LSAMP: variants seen among roughly 807,000 people sequenced by gnomAD.
LSAMP encodes limbic system-associated membrane protein.
Under a neutral mutation model 38.6 loss-of-function variants are expected in LSAMP, and 7 were observed. The observed-to-expected ratio is 0.18, with a 90% CI of 0.10 to 0.34. The LOEUF (loss-of-function observed/expected upper bound fraction) is 0.34. Ranked by LOEUF, LSAMP falls within the 10% of genes least tolerant of loss-of-function variation. LSAMP has a pLI of 1.00. For synonymous variants in LSAMP, 154 were observed against 166.8 expected (o/e 0.92, Z 0.59); for missense variants, 313 against 420.0 (o/e 0.75, Z 2.23).
intron 3 of LSAMP, among the ~76,000 whole-genome samples, chr3:115,985,994 A>T (rs752116853): frequency 6.6e-6 from 1 of 152,200 alleles, no homozygotes; most frequent in Admixed American, 6.6e-5. Context: ...ATATATAACG[A>T]ATACAACTGC....
At chr3:115,899,859 A>G (rs1259604598) in intron 3 of LSAMP, among the ~76,000 whole-genome samples, 1 of 152,142 alleles carries the variant, frequency 6.6e-6, no homozygotes, top group Non-Finnish European at 1.5e-5. Context: ...ATATTTATTC[A>G]CATCTAATTT....
In LSAMP at chr3:116,190,128, C is replaced by CACACACACAT. The variant is rs768880292; in HGVS notation, c.156-103573_156-103572insATGTGTGTGT. 3.8e-3 allele frequency among the ~76,000 whole-genome samples: 553 copies of CACACACACAT among 146,400 alleles called. 6 individuals are homozygous for CACACACACAT. The highest frequency in any genetic ancestry group is 0.018 in the Middle Eastern group (5 of 282). ...ACACACACACACACACACACACACA[C>CACACACACAT]ATGCATTAAGAAATCTCCACAGCTA... is the stretch of plus-strand genomic sequence containing the variant. On this transcript the variant is annotated intron_variant, in intron 1 of 6. Coordinates refer to ENST00000490035, the MANE Select transcript of LSAMP (RefSeq NM_002338.5).
chr3:116,113,214 T>A (rs1398553325), intron 1 of LSAMP, among the ~76,000 whole-genome samples: 2 of 148,840 alleles, frequency 1.3e-5, no homozygotes, highest in Non-Finnish European at 3.0e-5. Flanking sequence ...ACATTCAGAA[T>A]TTTTTTTTTA....
Position 116,431,472 on chromosome 3 carries a change from T to C in LSAMP, c.155+13405A>G, listed in dbSNP as rs1448637313. ...CGTAGGCTTTTGGTGGGTAGAGTGATTTAATATGATTTTCCCCTTGTAGTT... is the reference window on the plus strand; with the variant it reads ...CGTAGGCTTTTGGTGGGTAGAGTGACTTAATATGATTTTCCCCTTGTAGTT... On this transcript the variant is annotated intron_variant, in intron 1 of 6. Coordinates refer to ENST00000490035, the MANE Select transcript of LSAMP (RefSeq NM_002338.5). Among the ~76,000 whole-genome samples, 6 of 152,110 alleles carry C rather than the reference T, an allele frequency of 3.9e-5. No individual in the cohort carries two copies. The South Asian group carries it at 8.3e-4, about 21-fold the overall frequency.
intron 1 of LSAMP, among the ~76,000 whole-genome samples, chr3:116,355,325 C>T (rs989442181): frequency 2.6e-5 from 4 of 151,966 alleles, no homozygotes; most frequent in African/African-American, 9.7e-5. Context: ...GTGCAAAGAA[C>T]ATACATTGGG....
intron 3 of LSAMP, among the ~76,000 whole-genome samples, chr3:115,931,267 C>T (rs540475321): frequency 3.4e-4 from 52 of 152,288 alleles, no homozygotes; most frequent in South Asian, 8.3e-4. Context: ...ATCCCAGCAG[C>T]CTCTGGTGAA....
chr3:116,271,250 A>ATAAC (rs986299402), intron 1 of LSAMP, among the ~76,000 whole-genome samples: 2 of 152,028 alleles, frequency 1.3e-5, no homozygotes, highest in Non-Finnish European at 2.9e-5. Context: ...CAATTTAAAA[A>ATAAC]TAACTGTCTG....
chr3:115,829,207 G>A (rs1216212619), intron 6 of LSAMP, among the ~76,000 whole-genome samples: 2 of 152,076 alleles, frequency 1.3e-5, no homozygotes, highest in Non-Finnish European at 2.9e-5. Flanking sequence ...AGAGGTGGGG[G>A]AGATAAGACA....
chr3:116,397,018 A>G (rs1052330148), intron 1 of LSAMP, among the ~76,000 whole-genome samples: 3 of 152,150 alleles, frequency 2.0e-5, no homozygotes, highest in Admixed American at 6.5e-5. Flanking sequence ...CCATCACAAT[A>G]TTCATCTAAT....
chr3:115,901,579 C>A (rs950995702), intron 3 of LSAMP, among the ~76,000 whole-genome samples: 3 of 152,162 alleles, frequency 2.0e-5, no homozygotes, highest in Non-Finnish European at 2.9e-5. Context: ...CCTGTATTTC[C>A]TATCTCAACG....
At chr3:116,065,558 A>T (rs1248795898) in intron 2 of LSAMP, among the ~76,000 whole-genome samples, 1 of 152,180 alleles carries the variant, frequency 6.6e-6, no homozygotes, top group African/African-American at 2.4e-5. Context: ...TAGTTTTGTT[A>T]TCATAATCCA....
intron 2 of LSAMP, among the ~76,000 whole-genome samples, chr3:116,085,844 A>G (rs1309808474): frequency 3.9e-5 from 6 of 152,224 alleles, no homozygotes; most frequent in Non-Finnish European, 8.8e-5. Context: ...CTGAAAAAAT[A>G]AAAAGTCCTC....
Position 115,806,707 on chromosome 3 carries a change from C to T in LSAMP, c.*3610G>A, listed in dbSNP as rs1933637542. 6.6e-6 allele frequency: 1 copy of T among 152,182 alleles called. No homozygotes were observed. Among genetic ancestry groups the T allele is most frequent in the South Asian group, 2.1e-4 (1 of 4,836 alleles). 9.4% of individuals were successfully genotyped at this position (152,182 alleles called of 1,614,324 possible). On this transcript the variant is annotated 3_prime_UTR_variant, in exon 7 of 7. Coordinates refer to ENST00000490035, the MANE Select transcript of LSAMP (RefSeq NM_002338.5). ...AGTCTGTCTGACTTGGAAGAGAAGG[C>T]AAAGGTCAATGGGGCAGTCCTTCCT...
intron 3 of LSAMP, among the ~76,000 whole-genome samples, chr3:115,955,281 T>C (rs1316785428): frequency 1.3e-5 from 2 of 152,208 alleles, no homozygotes; most frequent in East Asian, 1.9e-4. Context: ...CTAAACCTCA[T>C]GCTAAATCCT....
At chr3:116,210,928 C>T (rs575331407) in intron 1 of LSAMP, among the ~76,000 whole-genome samples, 42 of 151,786 alleles carry the variant, frequency 2.8e-4, no homozygotes, top group Non-Finnish European at 4.3e-4. Context: ...AAGGATTCAA[C>T]GTCTATGTCT....
At chr3:116,300,674 C>T (rs779259061) in intron 1 of LSAMP, among the ~76,000 whole-genome samples, 40 of 152,286 alleles carry the variant, frequency 2.6e-4, no homozygotes, top group Non-Finnish European at 4.3e-4. Flanking sequence ...ATCTGAGACT[C>T]TAACTAATAC....
At chr3:116,203,297 T>A (rs1165572079) in intron 1 of LSAMP, among the ~76,000 whole-genome samples, 1 of 152,202 alleles carries the variant, frequency 6.6e-6, no homozygotes, top group South Asian at 2.1e-4. Context: ...TCAATTCTAA[T>A]AGACAAAATG....
chr3:116,370,791 T>C (rs965165501), intron 1 of LSAMP, among the ~76,000 whole-genome samples: 2 of 152,070 alleles, frequency 1.3e-5, no homozygotes, highest in African/African-American at 4.8e-5. Flanking sequence ...AAACCAGAAG[T>C]TGGTTCTTCA....
intron 1 of LSAMP, among the ~76,000 whole-genome samples, chr3:116,374,077 A>G (rs1340768673): frequency 6.6e-6 from 1 of 151,958 alleles, no homozygotes; most frequent in Non-Finnish European, 1.5e-5. Flanking sequence ...AATATCTTAT[A>G]TAAAAGAAAA....
Sources: gnomAD v4.1 joint callset for allele counts (sites outside exome capture counted in the v4.1 genomes callset) on GRCh38, gnomAD v4.1.1 for gene constraint, MANE v1.5 for transcripts, NCBI Gene and HGNC (gene_info 2026-07-23, HGNC 2026-07-21) for gene names.